Variants in RORB observed in about 807,000 individuals in gnomAD.
RORB encodes RAR related orphan receptor B.
Under a neutral mutation model 59.1 loss-of-function variants are expected in RORB, and 6 were observed. The observed-to-expected ratio is 0.10, with a 90% CI of 0.06 to 0.20. RORB has a LOEUF of 0.20. RORB is among the 10% of genes least tolerant of loss of function. The pLI is 1.00. For synonymous variants in RORB, 215 were observed against 204.5 expected (o/e 1.05, Z -0.44); for missense variants, 320 against 560.5 (o/e 0.57, Z 4.33).
intron 1 of RORB, among the ~76,000 whole-genome samples, chr9:74,621,296 A>C (rs1321972499): frequency 6.6e-6 from 1 of 151,820 alleles, no homozygotes; most frequent in Non-Finnish European, 1.5e-5. Flanking sequence ...ATGGCAACTA[A>C]TGATTTTTTT....
intron 8 of RORB, among the ~76,000 whole-genome samples, chr9:74,670,252 T>C (rs897574591): frequency 6.6e-6 from 1 of 152,212 alleles, no homozygotes; most frequent in Non-Finnish European, 1.5e-5. Context: ...AAACCTAAGC[T>C]GGTGAATCTA....
intron 1 of RORB, among the ~76,000 whole-genome samples, chr9:74,573,369 G>A (rs921750300): frequency 1.3e-5 from 2 of 150,718 alleles, no homozygotes; most frequent in Non-Finnish European, 2.9e-5. Flanking sequence ...AAATGACAAC[G>A]TCAGTGCTTG....
At chr9:74,661,708 G>A (rs1406349096) in intron 5 of RORB, among the ~76,000 whole-genome samples, 7 of 133,260 alleles carry the variant, frequency 5.3e-5, no homozygotes, top group Admixed American at 1.7e-4. Context: ...GCAGTGGCGC[G>A]ATCTCGGCTC....
chr9:74,522,397 G>A (rs1826096474), intron 1 of RORB, among the ~76,000 whole-genome samples: 1 of 151,806 alleles, frequency 6.6e-6, no homozygotes, highest in Admixed American at 6.6e-5. Flanking sequence ...ATAGAAGGTA[G>A]AATTCACCTT....
chr9:74,527,816 T>C (rs898311081), intron 1 of RORB, among the ~76,000 whole-genome samples: 1 of 152,008 alleles, frequency 6.6e-6, no homozygotes, highest in Non-Finnish European at 1.5e-5. Context: ...TGACTAAGAA[T>C]GTTTTCACTC....
At chr9:74,618,134 C>T (rs530934446) in intron 1 of RORB, among the ~76,000 whole-genome samples, 35 of 151,946 alleles carry the variant, frequency 2.3e-4, no homozygotes, top group Non-Finnish European at 4.3e-4. Flanking sequence ...CACAGACGCA[C>T]ACACACACAC....
intron 1 of RORB, among the ~76,000 whole-genome samples, chr9:74,579,847 T>G (rs1822695340): frequency 6.6e-6 from 1 of 152,172 alleles, no homozygotes; most frequent in African/African-American, 2.4e-5. Context: ...GAGCGGTGTT[T>G]CAGAGCTTAA....
In RORB at chr9:74,690,084, T is replaced by C. The variant is rs1187361828; in HGVS notation, c.*4466T>C. The C allele has an allele frequency of 1.3e-5, 2 of 152,198 alleles. No homozygotes were observed. Among genetic ancestry groups the C allele is most frequent in the Admixed American group, 1.3e-4 (2 of 15,282 alleles). The allele number at this position is 152,198 out of a possible 1,614,324, so 9.4% of individuals were successfully genotyped here. A position where few individuals can be genotyped will look rare whatever the true frequency, so the allele number is the denominator to read the frequency against. On this transcript the variant is annotated 3_prime_UTR_variant, in exon 10 of 10. Transcript: ENST00000376896. ...GCAATAACCTTAAAGTGTGCATCTG[T>C]AGTGAAACTCTGCACAAAGTCCCCT...
intron 7 of RORB, among the ~76,000 whole-genome samples, chr9:74,665,857 G>T (rs1824255654): frequency 6.6e-6 from 1 of 152,176 alleles, no homozygotes. Flanking sequence ...AGAAATAAAT[G>T]GAGGCCCAGC....
chr9:74,639,385 G>C (rs1823756976), intron 3 of RORB, among the ~76,000 whole-genome samples: 1 of 152,176 alleles, frequency 6.6e-6, no homozygotes, highest in Non-Finnish European at 1.5e-5. Context: ...CTGACATGGG[G>C]AAGGGCATGG....
chr9:74,543,568 C>T (rs1410400649), intron 1 of RORB, among the ~76,000 whole-genome samples: 1 of 152,112 alleles, frequency 6.6e-6, no homozygotes, highest in African/African-American at 2.4e-5. Context: ...CAAAAGACCA[C>T]TCTAGGTGAA....
chr9:74,649,685 G>T (rs1281967068), intron 4 of RORB, among the ~76,000 whole-genome samples: 2 of 152,158 alleles, frequency 1.3e-5, no homozygotes, highest in South Asian at 2.1e-4. Flanking sequence ...AAAGCACTTT[G>T]TAACCAGCCA....
chr9:74,550,012 C>A (rs570884076), intron 1 of RORB, among the ~76,000 whole-genome samples: 1 of 152,140 alleles, frequency 6.6e-6, no homozygotes, highest in Non-Finnish European at 1.5e-5. Flanking sequence ...CAGGCATGAG[C>A]CCCTGCGCCC....
At chr9:74,607,241 G>A (rs1181251504) in intron 1 of RORB, among the ~76,000 whole-genome samples, 1 of 152,180 alleles carries the variant, frequency 6.6e-6, no homozygotes, top group African/African-American at 2.4e-5. Context: ...ATCCCTTGGG[G>A]AAGATTCTTA....
At chr9:74,620,303 C>T (rs1280954999) in intron 1 of RORB, among the ~76,000 whole-genome samples, 1 of 152,194 alleles carries the variant, frequency 6.6e-6, no homozygotes, top group Non-Finnish European at 1.5e-5. Flanking sequence ...TTATCCATTT[C>T]TTCTAGATGT....
intron 1 of RORB, among the ~76,000 whole-genome samples, chr9:74,602,244 C>T (rs543833631): frequency 3.9e-5 from 6 of 152,258 alleles, no homozygotes; most frequent in South Asian, 4.1e-4. Flanking sequence ...AGATAAAAAT[C>T]GCAAGATGTA....
chr9:74,683,778 T>C (rs141550517), intron 9 of RORB, among the ~76,000 whole-genome samples: 9 of 152,254 alleles, frequency 5.9e-5, no homozygotes, highest in African/African-American at 2.2e-4. Context: ...TCTTTGGCAC[T>C]CACCACAGTT....
intron 1 of RORB, among the ~76,000 whole-genome samples, chr9:74,535,351 C>T (rs1194236874): frequency 6.6e-6 from 1 of 151,996 alleles, no homozygotes; most frequent in Non-Finnish European, 1.5e-5. Flanking sequence ...CTAGGTTACT[C>T]AGAATGGCTA....
chr9:74,617,448 T>A (rs922095603), intron 1 of RORB, among the ~76,000 whole-genome samples: 3 of 152,190 alleles, frequency 2.0e-5, no homozygotes, highest in African/African-American at 7.2e-5. Flanking sequence ...ATACAACAAC[T>A]TCACCAGCTT....
Sources: allele counts gnomAD v4.1 joint callset (sites outside exome capture counted in the v4.1 genomes callset), GRCh38; gene constraint gnomAD v4.1.1; transcripts MANE v1.5; gene names NCBI Gene and HGNC (gene_info 2026-07-23, HGNC 2026-07-21).